AKAP6: variants seen among roughly 807,000 people sequenced by gnomAD.
AKAP6 encodes A-kinase anchoring protein 6.
Under a neutral mutation model 188.5 loss-of-function variants are expected in AKAP6, and 58 were observed. The ratio of observed to expected loss-of-function variants is 0.31; its 90% CI spans 0.25 to 0.38. AKAP6 has a LOEUF of 0.38. Ranked by LOEUF, AKAP6 falls within the 10% of genes least tolerant of loss-of-function variation. The probability of loss-of-function intolerance (pLI) is 1.00; values close to 1 mark genes in which losing one functional copy is unlikely to be tolerated. For missense variants in AKAP6, 2,710 were observed against 2,740.0 expected (o/e 0.99, Z 0.24); for synonymous variants, 989 against 998.6 (o/e 0.99, Z 0.18).
intron 2 of AKAP6, among the ~76,000 whole-genome samples, chr14:32,523,841 A>C (rs1212315134): frequency 6.6e-6 from 1 of 151,870 alleles, no homozygotes; most frequent in African/African-American, 2.4e-5. Flanking sequence ...TTTGTCAAAG[A>C]AATTGAAGCT....
intron 12 of AKAP6, among the ~76,000 whole-genome samples, chr14:32,784,753 G>T (rs967684671): frequency 6.6e-6 from 1 of 152,144 alleles, no homozygotes; most frequent in African/African-American, 2.4e-5. Flanking sequence ...ATTATACAAG[G>T]TTATGCAGCC....
At chr14:32,417,325 T>G (rs1889690150) in intron 1 of AKAP6, among the ~76,000 whole-genome samples, 1 of 152,170 alleles carries the variant, frequency 6.6e-6, no homozygotes, top group Admixed American at 6.6e-5. Flanking sequence ...TTAACAGGGT[T>G]AAATATAAAT....
Position 32,535,760 on chromosome 14 carries a change from T to A in AKAP6, c.531T>A (p.Thr177=). Residue 177 remains threonine (T), a synonymous_variant, in exon 3 of 14, where the codon ACT becomes ACA. Transcript: ENST00000280979. ...QGLQDANGNY[T]RQTDILQAFS... is the part of the protein sequence containing the mutation. ...TGCAGGACGCCAATGGCAACTACAC[T>A]AGGCAGACGGACATTCTGCAAGCTT... The A allele has an allele frequency of 6.2e-7, 1 of 1,614,006 alleles. No homozygotes were observed. The highest frequency in any genetic ancestry group is 8.5e-7 in the Non-Finnish European group (1 of 1,179,856).
intron 12 of AKAP6, among the ~76,000 whole-genome samples, chr14:32,787,093 A>G (rs983841783): frequency 1.3e-5 from 2 of 152,236 alleles, no homozygotes; most frequent in African/African-American, 4.8e-5. Flanking sequence ...CTTTGCATCA[A>G]TGTCCATGCA....
At chr14:32,638,153 G>A (rs1055303407) in intron 7 of AKAP6, among the ~76,000 whole-genome samples, 1 of 148,804 alleles carries the variant, frequency 6.7e-6, no homozygotes, top group East Asian at 1.9e-4. Context: ...TACATCTAAG[G>A]AAAGGGCTAG....
chr14:32,664,061 A>G lies in AKAP6; in HGVS notation c.2731-14250A>G, dbSNP rs545567119. Among the ~76,000 whole-genome samples, 5 of 152,276 alleles carry G rather than the reference A, an allele frequency of 3.3e-5. No individual in the cohort carries two copies. In the East Asian group the frequency reaches 7.7e-4, roughly 24 times the overall value. Reference sequence around the variant, plus strand: ...AAAAATAATAACTGAGATAAGCAAAAGTGAGATAAAGCAGGAGGATATCAT... The same window carrying G: ...AAAAATAATAACTGAGATAAGCAAAGGTGAGATAAAGCAGGAGGATATCAT... On this transcript the variant is annotated intron_variant, in intron 7 of 13. Coordinates refer to ENST00000280979, the MANE Select transcript of AKAP6 (RefSeq NM_004274.5).
chr14:32,797,810 A>T (rs548817716), intron 12 of AKAP6, among the ~76,000 whole-genome samples: 1 of 152,238 alleles, frequency 6.6e-6, no homozygotes, highest in African/African-American at 2.4e-5. Context: ...CCCTAGAAGA[A>T]AACACAGTAA....
chr14:32,728,631 T>C (rs1428948464), intron 9 of AKAP6, among the ~76,000 whole-genome samples: 1 of 152,178 alleles, frequency 6.6e-6, no homozygotes, highest in East Asian at 1.9e-4. Flanking sequence ...AACAGCCCTA[T>C]TCTAATAATC....
intron 4 of AKAP6, among the ~76,000 whole-genome samples, chr14:32,569,524 C>A (rs1331690414): frequency 1.3e-5 from 2 of 152,104 alleles, no homozygotes; most frequent in African/African-American, 2.4e-5. Context: ...TTGTCTTGAG[C>A]CCCTGGGCCT....
At chr14:32,338,145 A>T (rs1204423149) in intron 1 of AKAP6, among the ~76,000 whole-genome samples, 4 of 152,048 alleles carry the variant, frequency 2.6e-5, no homozygotes, top group Non-Finnish European at 5.9e-5. Flanking sequence ...ATTTGTTGTA[A>T]AGGTGAATAT....
intron 12 of AKAP6, among the ~76,000 whole-genome samples, chr14:32,791,856 A>G (rs1427176183): frequency 6.6e-6 from 1 of 152,140 alleles, no homozygotes; most frequent in Admixed American, 6.5e-5. Context: ...CAGTTTTCCC[A>G]GCACCATTTA....
At chr14:32,705,044 G>A (rs1890756955) in intron 9 of AKAP6, among the ~76,000 whole-genome samples, 1 of 152,152 alleles carries the variant, frequency 6.6e-6, no homozygotes, top group South Asian at 2.1e-4. Flanking sequence ...TTCCCATAGT[G>A]CTTTCACATT....
At chr14:32,535,421 G>A in intron 2 of AKAP6, 133 bp from the exon 3 acceptor site, 1 of 1,060,808 alleles carries the variant, frequency 9.4e-7, no homozygotes, top group Middle Eastern at 2.9e-4. Flanking sequence ...TAAAACAAAG[G>A]CCCCAGGTAT....
chr14:32,586,826 C>G (rs888582740), intron 5 of AKAP6, among the ~76,000 whole-genome samples: 1 of 152,176 alleles, frequency 6.6e-6, no homozygotes, highest in African/African-American at 2.4e-5. Flanking sequence ...TTTTCTATTA[C>G]AAATGATGCT....
intron 12 of AKAP6, among the ~76,000 whole-genome samples, chr14:32,778,815 G>A (rs2033148939): frequency 2.0e-5 from 3 of 150,434 alleles, no homozygotes; most frequent in Admixed American, 2.0e-4. Flanking sequence ...CCACAGTGCT[G>A]GGATTACAGG....
At chr14:32,645,242 G>A (rs564578863) in intron 7 of AKAP6, among the ~76,000 whole-genome samples, 18 of 152,152 alleles carry the variant, frequency 1.2e-4, no homozygotes, top group African/African-American at 2.2e-4. Context: ...AAGCTATTTC[G>A]TCCTAGAAGG....
At position 32,824,351 on chromosome 14, in the gene AKAP6, G is replaced by A; in HGVS notation, c.6538G>A (p.Ala2180Thr). ...CFSSAPPNESAVPSEAAMPLQ... is the reference protein window; with the variant it reads ...CFSSAPPNESTVPSEAAMPLQ... ...CTCTAGTGCTCCTCCAAATGAATCT[G>A]CAGTTCCCAGCGAAGCTGCAATGCC... The change falls in exon 13 of 14, where the codon GCA (alanine) becomes ACA (threonine). Residue 2180 changes from alanine (A) to threonine (T), a missense_variant. Transcript: ENST00000280979. 6.2e-7 allele frequency: 1 copy of A among 1,613,876 alleles called. No individual in the cohort carries two copies.
chr14:32,425,380 A>G lies in AKAP6; in HGVS notation c.-34-8080A>G, dbSNP rs139784457. 8.5e-4 allele frequency among the ~76,000 whole-genome samples: 130 copies of G among 152,186 alleles called. 2 individuals are homozygous for G. The East Asian group carries it at 0.021, about 25-fold the overall frequency. ...GGGAAGTCAAGGTGGGCCAATAGCT[A>G]GGAGTTTGAGACCAGCCTGGGCAAC... On this transcript the variant is annotated intron_variant, in intron 1 of 13. Transcript: ENST00000280979.
chr14:32,371,987 C>A (rs1027523545), intron 1 of AKAP6, among the ~76,000 whole-genome samples: 7 of 151,548 alleles, frequency 4.6e-5, no homozygotes, highest in African/African-American at 1.7e-4. Flanking sequence ...CCTCCCTTCT[C>A]TCCTTCCTTC....
Sources: allele counts gnomAD v4.1 joint callset (sites outside exome capture counted in the v4.1 genomes callset), GRCh38; gene constraint gnomAD v4.1.1; transcripts MANE v1.5; gene names NCBI Gene and HGNC (gene_info 2026-07-23, HGNC 2026-07-21).